TRPM3: variants seen among roughly 807,000 people sequenced by gnomAD.
The protein encoded by TRPM3 is long transient receptor potential channel 3.
Under a neutral mutation model 181.2 loss-of-function variants are expected in TRPM3, and 77 were observed. That is an observed-to-expected ratio of 0.42 (90% CI 0.35 to 0.51). TRPM3 has a LOEUF of 0.51. Among genes scored for constraint, TRPM3 ranks in the 20% least tolerant of loss-of-function variants. The pLI is 0.01. For missense variants in TRPM3, 1,759 were observed against 2,196.7 expected, an observed-to-expected ratio of 0.80 and a Z score of 3.98; for synonymous variants, 745 against 796.4, an observed-to-expected ratio of 0.94 and a Z score of 1.09.
chr9:70,530,607 A>C lies in TRPM3; in HGVS notation c.*5346T>G, dbSNP rs1177580338. The C allele has an allele frequency of 1.3e-5, 2 of 152,228 alleles. No individual in the cohort carries two copies. Among genetic ancestry groups the C allele is most frequent in the African/African-American group, 4.8e-5 (2 of 41,460 alleles). 9.4% of individuals were successfully genotyped at this position (152,228 alleles called of 1,614,324 possible). ...CCTGGTCACCAAAATCCTCTCTTAG[A>C]TGACCTGTAGAAACAGTCACGTTGC... On this transcript the variant is annotated 3_prime_UTR_variant, in exon 26 of 26. Transcript: ENST00000677713.
At chr9:70,948,087 C>T (rs2096955573) in intron 1 of TRPM3, among the ~76,000 whole-genome samples, 2 of 148,256 alleles carry the variant, frequency 1.3e-5, no homozygotes, top group Non-Finnish European at 2.9e-5. Flanking sequence ...AATACAGCTC[C>T]TATATTTTTA....
chr9:71,087,657 G>C (rs1355613221), intron 1 of TRPM3, among the ~76,000 whole-genome samples: 1 of 151,918 alleles, frequency 6.6e-6, no homozygotes, highest in African/African-American at 2.4e-5. Flanking sequence ...AGTGTACTTG[G>C]CTTAATAAGC....
At chr9:71,105,956 G>A (rs563795356) in intron 1 of TRPM3, among the ~76,000 whole-genome samples, 1 of 152,154 alleles carries the variant, frequency 6.6e-6, no homozygotes, top group East Asian at 1.9e-4. Context: ...TCACATGGCT[G>A]ATTTTTTTTA....
intron 5 of TRPM3, among the ~76,000 whole-genome samples, chr9:70,832,781 G>A (rs2094027746): frequency 6.6e-6 from 1 of 152,060 alleles, no homozygotes; most frequent in Admixed American, 6.6e-5. Flanking sequence ...AAGCATTTTT[G>A]GTCTCACCCA....
chr9:70,657,583 C>T (rs1041414271), intron 9 of TRPM3, among the ~76,000 whole-genome samples: 1 of 151,954 alleles, frequency 6.6e-6, no homozygotes, highest in Non-Finnish European at 1.5e-5. Flanking sequence ...AATTCCTATG[C>T]CATTATTATT....
At chr9:70,597,056 C>T (rs969700283) in intron 21 of TRPM3, among the ~76,000 whole-genome samples, 1 of 152,138 alleles carries the variant, frequency 6.6e-6, no homozygotes, top group Non-Finnish European at 1.5e-5. Context: ...GCCTCAGCCT[C>T]CCGAGTAGCT....
At chr9:70,682,822 G>C (rs1237063314) in intron 8 of TRPM3, among the ~76,000 whole-genome samples, 1 of 152,074 alleles carries the variant, frequency 6.6e-6, no homozygotes, top group South Asian at 2.1e-4. Flanking sequence ...TTCATGCCTC[G>C]AGCTTATCTC....
At chr9:71,375,615 A>T (rs887596592) in intron 1 of TRPM3, among the ~76,000 whole-genome samples, 3 of 152,200 alleles carry the variant, frequency 2.0e-5, no homozygotes, top group Non-Finnish European at 4.4e-5. Context: ...AAGATTTTGC[A>T]AACTACCCAT....
chr9:70,671,173 T>C (rs1200024153), intron 9 of TRPM3, among the ~76,000 whole-genome samples: 1 of 152,176 alleles, frequency 6.6e-6, no homozygotes, highest in Non-Finnish European at 1.5e-5. Flanking sequence ...GCATTATCAA[T>C]TAAAATTGTT....
intron 21 of TRPM3, among the ~76,000 whole-genome samples, chr9:70,596,224 A>G (rs1452633197): frequency 1.3e-5 from 2 of 152,210 alleles, no homozygotes; most frequent in African/African-American, 4.8e-5. Flanking sequence ...ACCAAGTCTC[A>G]AAGGGGTTTA....
intron 1 of TRPM3, among the ~76,000 whole-genome samples, chr9:71,429,079 G>C (rs543548042): frequency 6.6e-6 from 1 of 152,070 alleles, no homozygotes; most frequent in Non-Finnish European, 1.5e-5. Flanking sequence ...TCAGCCAGAG[G>C]GAAACTGGAA....
At chr9:71,109,816 C>T (rs903730509) in intron 1 of TRPM3, among the ~76,000 whole-genome samples, 5 of 151,994 alleles carry the variant, frequency 3.3e-5, no homozygotes, top group Non-Finnish European at 7.4e-5. Flanking sequence ...CCTATTTGGG[C>T]CAGAATCTTT....
chr9:71,187,944 T>A (rs1312582826), intron 1 of TRPM3, among the ~76,000 whole-genome samples: 4 of 74,670 alleles, frequency 5.4e-5, no homozygotes, highest in Non-Finnish European at 1.2e-4. Context: ...GATAGATAGA[T>A]AGATAGATCA....
chr9:70,577,068 G>C (rs1182924664), intron 22 of TRPM3, among the ~76,000 whole-genome samples: 1 of 152,138 alleles, frequency 6.6e-6, no homozygotes, highest in Non-Finnish European at 1.5e-5. Flanking sequence ...GATCCTGCTA[G>C]TTGGACTTAT....
At chr9:71,383,445 T>A (rs2092850947) in intron 1 of TRPM3, among the ~76,000 whole-genome samples, 1 of 152,166 alleles carries the variant, frequency 6.6e-6, no homozygotes, top group African/African-American at 2.4e-5. Context: ...AGTAGGAGAC[T>A]GAAAGGGTGG....
intron 1 of TRPM3, among the ~76,000 whole-genome samples, chr9:71,205,379 T>G (rs973666879): frequency 1.3e-5 from 2 of 152,136 alleles, no homozygotes; most frequent in African/African-American, 4.8e-5. Flanking sequence ...CAAAATGAAT[T>G]TAACATGTTC....
chr9:71,383,653 C>T (rs368453607), intron 1 of TRPM3, among the ~76,000 whole-genome samples: 3 of 152,170 alleles, frequency 2.0e-5, no homozygotes, highest in Non-Finnish European at 2.9e-5. Flanking sequence ...GGCACTACCC[C>T]TGAGGAGACT....
intron 22 of TRPM3, among the ~76,000 whole-genome samples, chr9:70,586,714 T>G (rs186206943): frequency 8.5e-5 from 13 of 152,336 alleles, no homozygotes; most frequent in African/African-American, 3.1e-4. Flanking sequence ...TTCAGAATAC[T>G]AAACAGATGC....
At chr9:70,870,894 C>T (rs1478274335) in intron 1 of TRPM3, among the ~76,000 whole-genome samples, 1 of 151,882 alleles carries the variant, frequency 6.6e-6, no homozygotes. Flanking sequence ...AAGTTTTCTC[C>T]TGTAACCATA....
Sources: gnomAD v4.1 joint callset for allele counts (sites outside exome capture counted in the v4.1 genomes callset) on GRCh38, gnomAD v4.1.1 for gene constraint, MANE v1.5 for transcripts, NCBI Gene and HGNC (gene_info 2026-07-23, HGNC 2026-07-21) for gene names.